Variants in CSMD1 observed in about 807,000 individuals in gnomAD.
CSMD1 encodes CUB and Sushi multiple domains 1.
Under a neutral mutation model 417.5 loss-of-function variants are expected in CSMD1, and 213 were observed. The ratio of observed to expected loss-of-function variants is 0.51; its 90% CI spans 0.46 to 0.57. The LOEUF (loss-of-function observed/expected upper bound fraction) is 0.57, where lower values mean the gene tolerates loss of function less well. Ranked by LOEUF, CSMD1 falls within the 20% of genes least tolerant of loss-of-function variation. CSMD1 has a pLI of 0.00. For synonymous variants in CSMD1, 2,862 were observed against 1,736.8 expected, an observed-to-expected ratio of 1.65 and a Z score of -16.11; for missense variants, 6,923 against 4,529.7, an observed-to-expected ratio of 1.53 and a Z score of -15.17.
intron 1 of CSMD1, among the ~76,000 whole-genome samples, chr8:4,929,652 A>G (rs1807107990): frequency 6.6e-6 from 1 of 152,156 alleles, no homozygotes; most frequent in Non-Finnish European, 1.5e-5. Flanking sequence ...ATTAACTGAC[A>G]CATCATTCTA....
At chr8:3,696,621 G>A (rs1800569182) in intron 7 of CSMD1, among the ~76,000 whole-genome samples, 1 of 152,162 alleles carries the variant, frequency 6.6e-6, no homozygotes, top group African/African-American at 2.4e-5. Context: ...TTGGAAGATT[G>A]AAACGTCATC....
intron 5 of CSMD1, among the ~76,000 whole-genome samples, chr8:3,917,306 G>C (rs1808897393): frequency 6.6e-6 from 1 of 152,128 alleles, no homozygotes; most frequent in Non-Finnish European, 1.5e-5. Context: ...TGCGTTGGGA[G>C]TAGCAGACTC....
intron 2 of CSMD1, among the ~76,000 whole-genome samples, chr8:4,597,149 T>C (rs898101532): frequency 6.6e-6 from 1 of 152,166 alleles, no homozygotes; most frequent in African/African-American, 2.4e-5. Flanking sequence ...CAAAAGCAGT[T>C]TCCTCTCCTC....
In CSMD1 at chr8:3,993,682, T is replaced by C. The variant is rs529726221; in HGVS notation, c.818+4221A>G. On this transcript the variant is annotated intron_variant, in intron 5 of 69. Transcript: ENST00000635120. The stretch of plus-strand genomic sequence containing the variant: ...AAAATAGAGCTTACACCTTAAAAAA[T>C]CATAAAGTAACAGATGTTTCTTTTG... Among the ~76,000 whole-genome samples, 93 of 152,262 alleles carry C rather than the reference T, an allele frequency of 6.1e-4. No homozygotes were observed. In the Middle Eastern group the frequency reaches 0.017, roughly 28 times the overall value.
At chr8:4,159,514 T>C (rs1188755837) in intron 3 of CSMD1, among the ~76,000 whole-genome samples, 3 of 152,200 alleles carry the variant, frequency 2.0e-5, no homozygotes, top group Admixed American at 1.3e-4. Context: ...GTGGTATATA[T>C]ATGATGGAAT....
chr8:3,043,562 T>C (rs576175631), intron 50 of CSMD1, among the ~76,000 whole-genome samples: 1 of 152,216 alleles, frequency 6.6e-6, no homozygotes, highest in South Asian at 2.1e-4. Flanking sequence ...ATAGAGTAGG[T>C]CCACATAAAT....
chr8:4,567,205 G>A (rs1370289371), intron 2 of CSMD1, among the ~76,000 whole-genome samples: 3 of 152,166 alleles, frequency 2.0e-5, no homozygotes, highest in African/African-American at 7.2e-5. Context: ...TTATGTCACA[G>A]AGCATGAACA....
chr8:4,520,347 T>A (rs1001892061), intron 2 of CSMD1, among the ~76,000 whole-genome samples: 2 of 152,188 alleles, frequency 1.3e-5, no homozygotes, highest in African/African-American at 2.4e-5. Context: ...ATGAATTTGG[T>A]ATTACACTTC....
chr8:4,953,628 A>G (rs1808892271), intron 1 of CSMD1, among the ~76,000 whole-genome samples: 1 of 152,202 alleles, frequency 6.6e-6, no homozygotes, highest in Non-Finnish European at 1.5e-5. Context: ...GGCAATACTC[A>G]TAGAAATACA....
chr8:3,519,422 T>C (rs767866843), intron 10 of CSMD1, among the ~76,000 whole-genome samples: 3 of 152,162 alleles, frequency 2.0e-5, no homozygotes, highest in Non-Finnish European at 4.4e-5. Flanking sequence ...TGCATGCTGG[T>C]TCATGTAAAA....
chr8:3,387,468 G>T, intron 18 of CSMD1, 26 bp downstream of exon 18: 2 of 1,566,050 alleles, frequency 1.3e-6, no homozygotes. Context: ...CCCTGCTGGT[G>T]CATTGCCTCA....
chr8:3,873,281 T>A (rs975671775), intron 5 of CSMD1, among the ~76,000 whole-genome samples: 1 of 151,860 alleles, frequency 6.6e-6, no homozygotes, highest in African/African-American at 2.4e-5. Context: ...CTATTCACAA[T>A]AGCAAAGACA....
intron 1 of CSMD1, among the ~76,000 whole-genome samples, chr8:4,965,092 A>C (rs533688040): frequency 6.6e-6 from 1 of 152,350 alleles, no homozygotes; most frequent in East Asian, 1.9e-4. Flanking sequence ...ATTGTAGGCA[A>C]ATAGCTTATG....
chr8:3,802,081 A>G (rs1385890871), intron 5 of CSMD1, among the ~76,000 whole-genome samples: 1 of 152,200 alleles, frequency 6.6e-6, no homozygotes, highest in Non-Finnish European at 1.5e-5. Flanking sequence ...AAACTTAAGG[A>G]TATGTAAATT....
intron 5 of CSMD1, among the ~76,000 whole-genome samples, chr8:3,770,835 G>C (rs190506060): frequency 1.4e-3 from 206 of 152,184 alleles, no homozygotes; most frequent in African/African-American, 4.7e-3. Context: ...CCTAAGAAAA[G>C]ATAAAGGAGG....
Position 4,312,693 on chromosome 8 carries a change from C to A in CSMD1, c.415+107260G>T, listed in dbSNP as rs182312694. ...GGAGTTTGAGACCAGCCTGGCCAAC[C>A]TGACGAAACCCCATTTCTACTAACG... On this transcript the variant is annotated intron_variant, in intron 3 of 69. Coordinates refer to ENST00000635120, the MANE Select transcript of CSMD1 (RefSeq NM_033225.6). Among the ~76,000 whole-genome samples, 13 of 151,838 alleles carry A rather than the reference C, an allele frequency of 8.6e-5. No homozygotes were observed. In the East Asian group the frequency reaches 2.5e-3, roughly 29 times the overall value.
intron 37 of CSMD1, among the ~76,000 whole-genome samples, chr8:3,178,725 G>A (rs547681361): frequency 6.6e-6 from 1 of 152,192 alleles, no homozygotes; most frequent in African/African-American, 2.4e-5. Context: ...CATAGAGTAA[G>A]CGTCTACTTT....
chr8:3,297,421 T>C (rs1388929937), intron 25 of CSMD1, among the ~76,000 whole-genome samples: 1 of 152,182 alleles, frequency 6.6e-6, no homozygotes, highest in Non-Finnish European at 1.5e-5. Flanking sequence ...TATCAAGATG[T>C]ATTATAAAGT....
chr8:4,401,319 A>T (rs1037373674), intron 3 of CSMD1, among the ~76,000 whole-genome samples: 1 of 152,224 alleles, frequency 6.6e-6, no homozygotes, highest in African/African-American at 2.4e-5. Flanking sequence ...ACAGGAATAA[A>T]ATTAAGTGTG....
Sources: gnomAD v4.1 joint callset for allele counts (sites outside exome capture counted in the v4.1 genomes callset) on GRCh38, gnomAD v4.1.1 for gene constraint, MANE v1.5 for transcripts, NCBI Gene and HGNC (gene_info 2026-07-23, HGNC 2026-07-21) for gene names.